Variants in RUFY1 observed in about 807,000 individuals in gnomAD.
RUFY1 encodes RUN and FYVE domain containing 1.
RUFY1 carries 54 observed loss-of-function variants against 94.6 expected under a neutral mutation model. That is an observed-to-expected ratio of 0.57 (90% CI 0.46 to 0.72). RUFY1 has a LOEUF of 0.72. Among genes scored for constraint, RUFY1 ranks in the 30% least tolerant of loss-of-function variants. The pLI is 0.00. For synonymous variants in RUFY1, 396 were observed against 347.3 expected, an observed-to-expected ratio of 1.14 and a Z score of -1.56; for missense variants, 883 against 883.9, an observed-to-expected ratio of 1.00 and a Z score of 0.01.
intron 7 of RUFY1, 134 bp downstream of exon 7, chr5:179,581,146 A>G (rs1236738761): frequency 3.2e-6 from 2 of 616,302 alleles, no homozygotes; most frequent in Non-Finnish European, 5.8e-6. Context: ...CATTCAGGCA[A>G]CATTTATTTG....
intron 5 of RUFY1, among the ~76,000 whole-genome samples, 174 bp downstream of exon 5, chr5:179,569,599 A>G (rs1282714156): frequency 1.3e-5 from 2 of 152,112 alleles, no homozygotes; most frequent in Non-Finnish European, 2.9e-5. Context: ...TTGCATAGCC[A>G]GAGGTACACA....
Position 179,582,768 on chromosome 5 carries a change from G to A in RUFY1, c.956+1756G>A, listed in dbSNP as rs549351605. Among the ~76,000 whole-genome samples the A allele has an allele frequency of 6.2e-4, 94 of 152,166 alleles. 1 individual carries two copies. In the South Asian group the frequency reaches 0.018, roughly 29 times the overall value. The stretch of plus-strand genomic sequence containing the variant: ...TGAGGCAGAAGAATCGCTTGGACCC[G>A]GGAGACGGAGGTTGCAGTGAGCCGA... On this transcript the variant is annotated intron_variant, in intron 7 of 17. Transcript: ENST00000319449.
At chr5:179,561,935 C>T (rs1307541636) in intron 2 of RUFY1, among the ~76,000 whole-genome samples, 1 of 150,366 alleles carries the variant, frequency 6.7e-6, no homozygotes, top group Non-Finnish European at 1.5e-5. Flanking sequence ...CCACCCGTCT[C>T]GGCCTCCCAA....
At chr5:179,551,008 G>C (rs1342721405) in intron 1 of RUFY1, 129 bp downstream of exon 1, 1 of 813,170 alleles carries the variant, frequency 1.2e-6, no homozygotes, top group Non-Finnish European at 1.5e-6. Context: ...GTTGGCGGGC[G>C]GGCGGCGCCT....
In RUFY1 at chr5:179,602,080, G is replaced by A. The variant is rs541606953; in HGVS notation, c.1856+94G>A. On this transcript the variant is annotated intron_variant, in intron 15 of 17. Coordinates refer to ENST00000319449, the MANE Select transcript of RUFY1 (RefSeq NM_025158.5). ...CAAACCTACCTCCTTTTGGCGAACG[G>A]AGGGTGGGCCATTTAGGAGCTCAGT... 43 of 1,019,028 alleles carry A rather than the reference G, an allele frequency of 4.2e-5. No individual in the cohort carries two copies. The Admixed American group carries it at 4.9e-4, about 12-fold the overall frequency. 63.1% of individuals were successfully genotyped at this position (1,019,028 alleles called of 1,614,324 possible). A position where few individuals can be genotyped will look rare whatever the true frequency, so the allele number is the denominator to read the frequency against.
At chr5:179,576,070 C>T (rs1481974396) in intron 5 of RUFY1, among the ~76,000 whole-genome samples, 2 of 152,172 alleles carry the variant, frequency 1.3e-5, no homozygotes, top group Non-Finnish European at 2.9e-5. Flanking sequence ...CATGAGCCAC[C>T]GTGCCCAGCT....
intron 15 of RUFY1, chr5:179,602,700 A>C (rs992446537): frequency 6.6e-6 from 1 of 152,322 alleles, no homozygotes; most frequent in Admixed American, 6.5e-5. Flanking sequence ...GGCTTAAGCA[A>C]AAGAAGCCAT....
chr5:179,562,560 TA>T lies in RUFY1; in HGVS notation c.499del (p.Ile167LeufsTer24). 6.2e-7 allele frequency: 1 copy of T among 1,606,904 alleles called. No homozygotes were observed. The highest frequency in any genetic ancestry group is 8.5e-7 in the Non-Finnish European group (1 of 1,173,846). On this transcript the variant is annotated frameshift_variant, in exon 3 of 18. Transcript: ENST00000319449. LOFTEE classifies it high-confidence loss of function. ...TTTTCCTTTTAGTTAAGAAGAGTTT[TA>T]TTGGCCAAAATAAATCATTCTTTGG... ...KHGLKVKKSF[I>X]GQNKSFFGPL...
At chr5:179,605,207 A>T (rs1006955216) in intron 15 of RUFY1, among the ~76,000 whole-genome samples, 1 of 149,626 alleles carries the variant, frequency 6.7e-6, no homozygotes, top group African/African-American at 2.5e-5. Context: ...TGAGCCCAGG[A>T]GGTCAAGGTT....
At chr5:179,588,272 G>A (rs779908189) in intron 8 of RUFY1, among the ~76,000 whole-genome samples, 8 of 152,110 alleles carry the variant, frequency 5.3e-5, no homozygotes, top group Non-Finnish European at 1.0e-4. Flanking sequence ...TCAGTGCTTC[G>A]AGGTCCCTCC....
intron 7 of RUFY1, among the ~76,000 whole-genome samples, chr5:179,584,740 C>A (rs942038690): frequency 1.3e-5 from 2 of 151,134 alleles, no homozygotes; most frequent in African/African-American, 4.9e-5. Context: ...CCAGCCTGGG[C>A]GACAGAGCAA....
intron 8 of RUFY1, 75 bp downstream of exon 8, chr5:179,585,940 C>T (rs1379593000): frequency 1.5e-5 from 18 of 1,181,250 alleles, no homozygotes; most frequent in Admixed American, 3.5e-5. Context: ...AGTCGGTCTG[C>T]GATAGCAGAG....
chr5:179,554,966 CAA>C (rs112803081), intron 1 of RUFY1, among the ~76,000 whole-genome samples: 3 of 140,774 alleles, frequency 2.1e-5, no homozygotes, highest in African/African-American at 2.6e-5. Context: ...AATTCTGTCT[CAA>C]AAAAAAAAAA....
intron 6 of RUFY1, among the ~76,000 whole-genome samples, chr5:179,580,602 G>A (rs898957040): frequency 1.3e-5 from 2 of 151,100 alleles, no homozygotes; most frequent in Non-Finnish European, 2.9e-5. Context: ...GATGAGCTTC[G>A]TGTTTTGAAA....
chr5:179,585,352 G>C (rs79267661), intron 7 of RUFY1, among the ~76,000 whole-genome samples: 5,998 of 152,296 alleles, frequency 0.039, 170 homozygotes, highest in Non-Finnish European at 0.051. Flanking sequence ...AGGGTGGGCA[G>C]CCTCACCTGA....
At chr5:179,597,913 G>GGC (rs1765843225) in intron 13 of RUFY1, among the ~76,000 whole-genome samples, 1 of 152,162 alleles carries the variant, frequency 6.6e-6, no homozygotes, top group African/African-American at 2.4e-5. Context: ...AATGAGGCCG[G>GGC]GCGCGGTGGC....
chr5:179,569,082 C>T (rs1012702490), intron 4 of RUFY1: 1 of 984,598 alleles, frequency 1.0e-6, no homozygotes, highest in Non-Finnish European at 1.2e-6. Flanking sequence ...TAACTTTAGA[C>T]AGGAGGAGAG....
chr5:179,585,873 A>C lies in RUFY1; in HGVS notation c.1026+8A>C, dbSNP rs935425336. On this transcript the variant is annotated splice_region_variant and intron_variant, in intron 8 of 17. Transcript: ENST00000319449. Reference sequence around the variant, plus strand: ...TCAAAGCTTCAAGAAGAGGTTTGTAAGTTTTATTGAAATTTTTAGACAAAA... The same window carrying C: ...TCAAAGCTTCAAGAAGAGGTTTGTACGTTTTATTGAAATTTTTAGACAAAA... The C allele has an allele frequency of 2.5e-6, 4 of 1,609,086 alleles. No individual in the cohort carries two copies. The highest frequency in any genetic ancestry group is 1.7e-5 in the Admixed American group (1 of 59,974).
In RUFY1 at chr5:179,560,657, C is replaced by A. The variant is rs544189720; in HGVS notation, c.484+459C>A. 2.9e-5 allele frequency among the ~76,000 whole-genome samples: 4 copies of A among 138,030 alleles called. No homozygotes were observed. The South Asian group carries it at 6.9e-4, about 24-fold the overall frequency. The allele number at this position is 138,030 out of a possible 152,430, so 90.6% of individuals were successfully genotyped here. ...AGGAGAATGGCGTGATCCCGGGAGGCGGAGGTTGCAGTGAGCTGAGATCGC... is the reference window on the plus strand; with the variant it reads ...AGGAGAATGGCGTGATCCCGGGAGGAGGAGGTTGCAGTGAGCTGAGATCGC... On this transcript the variant is annotated intron_variant, in intron 2 of 17. Coordinates refer to ENST00000319449, the MANE Select transcript of RUFY1 (RefSeq NM_025158.5).
Sources: allele counts gnomAD v4.1 joint callset (sites outside exome capture counted in the v4.1 genomes callset), GRCh38; gene constraint gnomAD v4.1.1; transcripts MANE v1.5; gene names NCBI Gene and HGNC (gene_info 2026-07-23, HGNC 2026-07-21).